The following NCKAP5 variants were observed in gnomAD, a reference collection of about 807,000 sequenced individuals.
The protein encoded by NCKAP5 is NCK associated protein 5.
A neutral mutation model predicts 167.0 loss-of-function variants in NCKAP5; 92 were observed. That is an observed-to-expected ratio of 0.55 (90% CI 0.47 to 0.66). NCKAP5 has a LOEUF of 0.66. NCKAP5 is among the 30% of genes least tolerant of loss of function. NCKAP5 has a pLI of 0.00. For synonymous variants in NCKAP5, 891 were observed against 877.4 expected, an observed-to-expected ratio of 1.02 and a Z score of -0.27; for missense variants, 2,378 against 2,315.0, an observed-to-expected ratio of 1.03 and a Z score of -0.56.
chr2:133,326,458 CAAAAAAAAAA>C (rs34750625), intron 3 of NCKAP5, among the ~76,000 whole-genome samples: 3 of 49,016 alleles, frequency 6.1e-5, no homozygotes, highest in East Asian at 6.4e-4. Flanking sequence ...TCAGTCTCAA[CAAAAAAAAAA>C]AAAAAAAAAA....
chr2:132,870,416 C>A (rs1399626404), intron 9 of NCKAP5, among the ~76,000 whole-genome samples: 1 of 152,012 alleles, frequency 6.6e-6, no homozygotes, highest in East Asian at 1.9e-4. Flanking sequence ...AAGACTAAAT[C>A]AGAATACTTA....
At chr2:132,920,771 G>GTGTATATATATATATATATATATATA (rs1219401757) in intron 8 of NCKAP5, among the ~76,000 whole-genome samples, 5 of 31,570 alleles carry the variant, frequency 1.6e-4, no homozygotes, top group Non-Finnish European at 3.3e-4. Context: ...ATATATGTAT[G>GTGTATATATATATATATATATATATA]TATATATATA....
At chr2:133,465,405 TC>T (rs897583318) in intron 3 of NCKAP5, among the ~76,000 whole-genome samples, 2 of 151,742 alleles carry the variant, frequency 1.3e-5, no homozygotes, top group African/African-American at 4.8e-5. Context: ...ATCCAGTCTA[TC>T]ATTGTTGGAC....
At chr2:133,102,839 A>T (rs556296239) in intron 6 of NCKAP5, among the ~76,000 whole-genome samples, 1 of 151,886 alleles carries the variant, frequency 6.6e-6, no homozygotes, top group African/African-American at 2.4e-5. Flanking sequence ...AACAATAACA[A>T]GGCTCTGAAG....
At chr2:133,188,254 C>A (rs999326727) in intron 5 of NCKAP5, among the ~76,000 whole-genome samples, 1 of 152,012 alleles carries the variant, frequency 6.6e-6, no homozygotes, top group Non-Finnish European at 1.5e-5. Flanking sequence ...ATATATGCAT[C>A]CAATACAAGA....
At chr2:133,124,158 G>T (rs963820059) in intron 6 of NCKAP5, among the ~76,000 whole-genome samples, 2 of 152,216 alleles carry the variant, frequency 1.3e-5, no homozygotes, top group African/African-American at 4.8e-5. Flanking sequence ...TGCCAGGGGA[G>T]AAGGTCAGAA....
At chr2:133,442,750 C>G (rs1050736296) in intron 3 of NCKAP5, among the ~76,000 whole-genome samples, 4 of 152,150 alleles carry the variant, frequency 2.6e-5, no homozygotes. Flanking sequence ...GAAGAAAAAC[C>G]ATGTTTAAAG....
intron 8 of NCKAP5, among the ~76,000 whole-genome samples, chr2:132,943,069 G>C (rs564376391): frequency 1.8e-4 from 27 of 152,278 alleles, no homozygotes; most frequent in Middle Eastern, 3.4e-3. Flanking sequence ...GAGGTTCTGG[G>C]ACTTTAAAAT....
At chr2:133,286,879 A>C (rs1391677298) in intron 4 of NCKAP5, among the ~76,000 whole-genome samples, 1 of 152,322 alleles carries the variant, frequency 6.6e-6, no homozygotes, top group Non-Finnish European at 1.5e-5. Context: ...AGATGTTATA[A>C]GTGGAGCTAC....
chr2:133,608,955 T>C, the NCKAP5 span, among the ~76,000 whole-genome samples: 1 of 152,316 alleles, frequency 6.6e-6, no homozygotes, highest in East Asian at 1.9e-4. Flanking sequence ...ATTTGAACAT[T>C]TCATGTATTT....
the NCKAP5 span, among the ~76,000 whole-genome samples, chr2:133,577,033 G>C: frequency 6.6e-6 from 1 of 152,142 alleles, no homozygotes; most frequent in African/African-American, 2.4e-5. Flanking sequence ...ACTTGGGCTG[G>C]TAAGGCAACT....
Position 133,279,752 on chromosome 2 carries a change from T to G in NCKAP5, c.143+23285A>C, listed in dbSNP as rs545305333. Among the ~76,000 whole-genome samples the G allele has an allele frequency of 1.3e-5, 2 of 152,328 alleles. 1 individual carries two copies. Among genetic ancestry groups the G allele is most frequent in the South Asian group, 4.1e-4 (2 of 4,830 alleles). Reference sequence around the variant, plus strand: ...GATAGCATTATTGTCATTAATGAAATGTATAAATGGAATGCAACTAAATAG... The same window carrying G: ...GATAGCATTATTGTCATTAATGAAAGGTATAAATGGAATGCAACTAAATAG... On this transcript the variant is annotated intron_variant, in intron 4 of 19. Transcript: ENST00000409261.
intron 3 of NCKAP5, among the ~76,000 whole-genome samples, chr2:133,508,408 T>C (rs889817127): frequency 2.0e-5 from 3 of 152,238 alleles, no homozygotes; most frequent in African/African-American, 7.2e-5. Flanking sequence ...TTTGCACCAC[T>C]GTATACCTCC....
chr2:133,195,967 C>T (rs2150100375), intron 5 of NCKAP5, among the ~76,000 whole-genome samples: 1 of 152,186 alleles, frequency 6.6e-6, no homozygotes, highest in East Asian at 1.9e-4. Context: ...AATGGATTCC[C>T]CGGCCACCCA....
chr2:132,727,777 C>A lies in NCKAP5; in HGVS notation c.5580+1039G>T, dbSNP rs549745975. ...CCCCGGGACCCTGAACATGGTCCAG[C>A]AGGACTCTAGTGTTCCCCACTGGAA... On this transcript the variant is annotated intron_variant, in intron 18 of 19. Transcript: ENST00000409261. Among the ~76,000 whole-genome samples, 148 of 152,266 alleles carry A rather than the reference C, an allele frequency of 9.7e-4. 1 individual carries two copies. Among genetic ancestry groups the A allele is most frequent in the African/African-American group, 3.2e-3 (131 of 41,548 alleles).
chr2:132,954,262 G>T (rs1022506435), intron 8 of NCKAP5, among the ~76,000 whole-genome samples: 1 of 152,064 alleles, frequency 6.6e-6, no homozygotes, highest in Non-Finnish European at 1.5e-5. Flanking sequence ...AGCAGCCCAC[G>T]GACCCTCTCA....
At chr2:133,464,081 C>T (rs1435475806) in intron 3 of NCKAP5, among the ~76,000 whole-genome samples, 3 of 152,150 alleles carry the variant, frequency 2.0e-5, no homozygotes, top group Non-Finnish European at 4.4e-5. Context: ...TTTCCATCAA[C>T]GGGCTCTGGC....
intron 3 of NCKAP5, among the ~76,000 whole-genome samples, chr2:133,478,846 G>A (rs1248300143): frequency 6.6e-6 from 1 of 152,010 alleles, no homozygotes; most frequent in African/African-American, 2.4e-5. Flanking sequence ...ACTAAAGCAT[G>A]CTGGGGACAG....
At chr2:133,435,074 G>A (rs967552539) in intron 3 of NCKAP5, among the ~76,000 whole-genome samples, 2 of 152,190 alleles carry the variant, frequency 1.3e-5, no homozygotes, top group Non-Finnish European at 2.9e-5. Context: ...TCACTGATAA[G>A]GCCATGACTA....
Sources: allele counts gnomAD v4.1 joint callset (sites outside exome capture counted in the v4.1 genomes callset), GRCh38; gene constraint gnomAD v4.1.1; transcripts MANE v1.5; gene names NCBI Gene and HGNC (gene_info 2026-07-23, HGNC 2026-07-21).